DMD: variants seen among roughly 807,000 people sequenced by gnomAD.
The protein encoded by DMD is dystrophin, also known as mutant dystrophin.
Under a neutral mutation model 330.1 loss-of-function variants are expected in DMD, and 63 were observed. The ratio of observed to expected loss-of-function variants is 0.19; its 90% CI spans 0.16 to 0.24. The LOEUF is 0.24. Ranked by LOEUF, DMD falls within the 10% of genes least tolerant of loss-of-function variation. The pLI is 1.00. For synonymous variants in DMD, 1,223 were observed against 959.8 expected (o/e 1.27, Z -5.07); for missense variants, 3,344 against 2,684.1 (o/e 1.25, Z -5.43).
chrX:31,746,771 G>A (rs1273694990), intron 51 of DMD, among the ~76,000 whole-genome samples: 1 of 110,655 alleles, frequency 9.0e-6, no homozygotes, highest in African/African-American at 3.3e-5. Flanking sequence ...GTGTGAAACA[G>A]GAGTGCATGT....
intron 2 of DMD, among the ~76,000 whole-genome samples, chrX:32,862,884 G>A (rs1015967800): frequency 1.9e-4 from 21 of 110,354 alleles, no homozygotes; most frequent in Admixed American, 4.9e-4. Context: ...TTACAGGCGC[G>A]AGCCACTACG....
rs6527184 is a variant in DMD, at chrX:32,342,349, C to A, written c.5740-67G>T. Reference sequence around the variant, plus strand: ...ACCACATCAACCGACTTGCAAGCAGCAAATACTTCTCTCAAAATTTCAAAG... The same window carrying A: ...ACCACATCAACCGACTTGCAAGCAGAAAATACTTCTCTCAAAATTTCAAAG... On this transcript the variant is annotated intron_variant, in intron 40 of 78. Transcript: ENST00000357033. 154,364 of 1,101,797 alleles carry A rather than the reference C, an allele frequency of 0.14. 8,306 individuals are homozygous for A. Among genetic ancestry groups the A allele is most frequent in the African/African-American group, 0.26 (14,587 of 55,065 alleles). The allele number at this position is 1,101,797 out of a possible 1,213,427, so 90.8% of individuals were successfully genotyped here.
At chrX:31,178,443 T>C in intron 70 of DMD, 1 of 938,546 alleles carries the variant, frequency 1.1e-6, no homozygotes, top group Non-Finnish European at 1.3e-6. Context: ...TTTTTTTTTT[T>C]TTTTCCCCCT....
intron 61 of DMD, among the ~76,000 whole-genome samples, chrX:31,347,870 C>A (rs1010656496): frequency 8.9e-6 from 1 of 112,344 alleles, no homozygotes; most frequent in Non-Finnish European, 1.9e-5. Flanking sequence ...TTCACATTCT[C>A]ACCAGAATCT....
intron 1 of DMD, among the ~76,000 whole-genome samples, chrX:33,040,368 T>C (rs1378832790): frequency 2.7e-5 from 3 of 110,864 alleles, no homozygotes; most frequent in Non-Finnish European, 5.7e-5. Context: ...TAGAAGCCAC[T>C]GAGAGAGGGT....
chrX:32,474,969 T>C (rs1169173900), intron 21 of DMD, among the ~76,000 whole-genome samples: 1 of 111,858 alleles, frequency 8.9e-6, no homozygotes, highest in Non-Finnish European at 1.9e-5. Context: ...TGTTATCTTC[T>C]AGAATTTTTA....
At chrX:32,947,861 C>T (rs2090928946) in intron 2 of DMD, among the ~76,000 whole-genome samples, 1 of 111,159 alleles carries the variant, frequency 9.0e-6, no homozygotes, top group Admixed American at 9.7e-5. Context: ...GGAAACCCAG[C>T]TTCCAGGAAG....
chrX:32,410,189 A>T (rs1458339504), intron 30 of DMD, among the ~76,000 whole-genome samples: 3 of 111,035 alleles, frequency 2.7e-5, no homozygotes, highest in Non-Finnish European at 5.7e-5. Flanking sequence ...ATCCTCAAGT[A>T]TGTTTACTAT....
intron 3 of DMD, among the ~76,000 whole-genome samples, chrX:32,846,963 T>C (rs966396818): frequency 1.8e-5 from 2 of 109,617 alleles, no homozygotes; most frequent in African/African-American, 6.7e-5. Flanking sequence ...GCCAAGATCA[T>C]GTCGCTGACT....
Position 33,149,398 on chromosome X carries a change from G to A in DMD, c.31+61884C>T, listed in dbSNP as rs774311543. On this transcript the variant is annotated intron_variant, in intron 1 of 78. Coordinates refer to ENST00000357033, the MANE Select transcript of DMD (RefSeq NM_004006.3). ...GGGTTCAGGCAGTAATGCCAGCAATGGGAAGTGGCTGTAAATACAGATGAA... is the reference window on the plus strand; with the variant it reads ...GGGTTCAGGCAGTAATGCCAGCAATAGGAAGTGGCTGTAAATACAGATGAA... Among the ~76,000 whole-genome samples, 6 of 111,846 alleles carry A rather than the reference G, an allele frequency of 5.4e-5. No individual in the cohort carries two copies. In the East Asian group the frequency reaches 1.7e-3, roughly 32 times the overall value.
At chrX:31,333,507 G>C (rs1054941704) in intron 61 of DMD, among the ~76,000 whole-genome samples, 8 of 98,220 alleles carry the variant, frequency 8.1e-5, no homozygotes, top group Non-Finnish European at 1.6e-4. Context: ...GTTCAAAACT[G>C]AATCTTCCTC....
rs2146835747 is a variant in DMD at position 32,645,133 on chromosome X, T to A, written c.980A>T (p.Asp327Val). ...CATCAATGAACTGCCAAATGACTTG[T>A]CTTCAGGAGCTTCCAAATGCTGCAC... is the stretch of plus-strand genomic sequence containing the variant. ...FPSQHLEAPE[D>V]KSFGSSLMES... Residue 327 changes from aspartate to valine, a missense_variant, in exon 10 of 79, where the codon GAC becomes GTC. Asp to Val is a radical substitution (Grantham distance 152). Transcript: ENST00000357033. 4 of 1,211,480 alleles carry A rather than the reference T, an allele frequency of 3.3e-6. No homozygotes were observed. Among genetic ancestry groups the A allele is most frequent in the Non-Finnish European group, 4.5e-6 (4 of 895,382 alleles).
chrX:32,133,253 G>A (rs140247673), intron 44 of DMD, among the ~76,000 whole-genome samples: 1,236 of 109,485 alleles, frequency 0.011, 17 homozygotes, highest in African/African-American at 0.039. Flanking sequence ...TGATCTGCCC[G>A]CCTCGGCCTC....
chrX:32,713,304 C>A (rs934584259), intron 7 of DMD, among the ~76,000 whole-genome samples: 1 of 111,753 alleles, frequency 8.9e-6, no homozygotes, highest in Non-Finnish European at 1.9e-5. Flanking sequence ...CTCTAAGTGG[C>A]TGACCCTTTC....
chrX:32,349,453 G>C (rs1157831895), intron 37 of DMD, among the ~76,000 whole-genome samples: 1 of 111,086 alleles, frequency 9.0e-6, no homozygotes, highest in Non-Finnish European at 1.9e-5. Flanking sequence ...TTCTTTCAGA[G>C]CTAAAACATT....
intron 19 of DMD, among the ~76,000 whole-genome samples, chrX:32,493,591 C>G (rs182557406): frequency 4.0e-4 from 44 of 110,859 alleles, no homozygotes; most frequent in African/African-American, 1.4e-3. Context: ...TTAAGCGATG[C>G]GATTAAGTAA....
rs140023540 is a variant in DMD at position 31,865,852 on chromosome X, C to T, written c.7098+9336G>A. Among the ~76,000 whole-genome samples, 564 of 111,844 alleles carry T rather than the reference C, an allele frequency of 5.0e-3. 4 individuals carry two copies. The highest frequency in any genetic ancestry group is 0.017 in the African/African-American group (510 of 30,807). ...GAGAAATCATTTTCTGTACAGATCACGTTTGTAGAGACCTCATTCATGTTT... is the reference window on the plus strand; with the variant it reads ...GAGAAATCATTTTCTGTACAGATCATGTTTGTAGAGACCTCATTCATGTTT... On this transcript the variant is annotated intron_variant, in intron 48 of 78. Coordinates refer to ENST00000357033, the MANE Select transcript of DMD (RefSeq NM_004006.3).
intron 11 of DMD, among the ~76,000 whole-genome samples, chrX:32,631,246 A>T (rs1229568871): frequency 1.8e-5 from 2 of 111,625 alleles, no homozygotes. Context: ...GCACCCCTGT[A>T]GCTACCACGA....
intron 47 of DMD, among the ~76,000 whole-genome samples, chrX:31,928,319 T>C (rs1472587464): frequency 9.0e-6 from 1 of 111,542 alleles, no homozygotes; most frequent in Non-Finnish European, 1.9e-5. Context: ...ATAAAAAATT[T>C]TGGAGGCTGG....
Sources: gnomAD v4.1 joint callset for allele counts (sites outside exome capture counted in the v4.1 genomes callset) on GRCh38, gnomAD v4.1.1 for gene constraint, MANE v1.5 for transcripts, NCBI Gene and HGNC (gene_info 2026-07-23, HGNC 2026-07-21) for gene names.